PLCB1: variants seen among roughly 807,000 people sequenced by gnomAD.
PLCB1 encodes the protein phospholipase C beta 1.
Under a neutral mutation model 161.8 loss-of-function variants are expected in PLCB1, and 46 were observed. The ratio of observed to expected loss-of-function variants is 0.28; its 90% CI spans 0.22 to 0.36. The LOEUF (loss-of-function observed/expected upper bound fraction) is 0.36. PLCB1 is among the 10% of genes least tolerant of loss of function. The pLI is 1.00. For synonymous variants in PLCB1, 517 were observed against 503.7 expected, an observed-to-expected ratio of 1.03 and a Z score of -0.35; for missense variants, 1,016 against 1,472.5, an observed-to-expected ratio of 0.69 and a Z score of 5.07.
chr20:8,349,690 G>A (rs1345999519), intron 2 of PLCB1, among the ~76,000 whole-genome samples: 1 of 152,140 alleles, frequency 6.6e-6, no homozygotes, highest in Non-Finnish European at 1.5e-5. Context: ...AAAAATTAGG[G>A]CATTTAAAAT....
chr20:8,139,088 T>G (rs903479465), intron 1 of PLCB1, among the ~76,000 whole-genome samples: 1 of 129,530 alleles, frequency 7.7e-6, no homozygotes. Context: ...AGGGTTTTTT[T>G]TTTTTTTTTT....
At chr20:8,742,779 C>A (rs1364590189) in intron 23 of PLCB1, among the ~76,000 whole-genome samples, 1 of 152,046 alleles carries the variant, frequency 6.6e-6, no homozygotes, top group Non-Finnish European at 1.5e-5. Context: ...TTACTAAGTC[C>A]CCAATTATTG....
chr20:8,748,384 C>G (rs1433561455), intron 23 of PLCB1, among the ~76,000 whole-genome samples: 2 of 152,092 alleles, frequency 1.3e-5, no homozygotes, highest in Non-Finnish European at 2.9e-5. Flanking sequence ...GAACTAGGGT[C>G]TTTTTAAATA....
intron 3 of PLCB1, among the ~76,000 whole-genome samples, chr20:8,418,284 C>T (rs370889155): frequency 1.3e-4 from 20 of 152,282 alleles, no homozygotes; most frequent in African/African-American, 3.8e-4. Flanking sequence ...TGAAAATCCC[C>T]GATTCTGTGT....
intron 2 of PLCB1, among the ~76,000 whole-genome samples, chr20:8,210,524 A>G (rs917229072): frequency 1.4e-4 from 21 of 152,104 alleles, no homozygotes; most frequent in African/African-American, 5.1e-4. Flanking sequence ...TACTTTCTCA[A>G]TTTGGGGCAA....
intron 11 of PLCB1, 99 bp downstream of exon 11, chr20:8,697,882 G>T (rs1990616214): frequency 5.7e-6 from 6 of 1,054,592 alleles, no homozygotes; most frequent in Non-Finnish European, 8.1e-6. Flanking sequence ...TCACAATTAA[G>T]TCCAAAGGCT....
intron 2 of PLCB1, among the ~76,000 whole-genome samples, chr20:8,270,637 A>G (rs1269373138): frequency 6.6e-6 from 1 of 152,152 alleles, no homozygotes; most frequent in Non-Finnish European, 1.5e-5. Flanking sequence ...AAAAATAGGA[A>G]TCACATTCTT....
At chr20:8,403,553 C>G (rs893007421) in intron 3 of PLCB1, among the ~76,000 whole-genome samples, 4 of 152,136 alleles carry the variant, frequency 2.6e-5, no homozygotes, top group African/African-American at 9.7e-5. Flanking sequence ...ATGGGCAAGG[C>G]TTCACAGAGA....
intron 12 of PLCB1, among the ~76,000 whole-genome samples, chr20:8,709,303 G>T (rs969720251): frequency 3.3e-5 from 5 of 152,150 alleles, no homozygotes; most frequent in African/African-American, 1.2e-4. Context: ...GCTACACAAA[G>T]AAAAGGTTAT....
At chr20:8,441,560 G>A (rs1189849342) in intron 3 of PLCB1, among the ~76,000 whole-genome samples, 1 of 152,168 alleles carries the variant, frequency 6.6e-6, no homozygotes, top group East Asian at 1.9e-4. Flanking sequence ...GGTTTGCTAA[G>A]TGACTGAAAG....
At chr20:8,407,806 T>C (rs1205959820) in intron 3 of PLCB1, among the ~76,000 whole-genome samples, 1 of 152,200 alleles carries the variant, frequency 6.6e-6, no homozygotes, top group African/African-American at 2.4e-5. Flanking sequence ...ATAATGACAT[T>C]ATCTGCTGGT....
At chr20:8,613,337 A>C (rs531361803) in intron 3 of PLCB1, among the ~76,000 whole-genome samples, 22 of 152,188 alleles carry the variant, frequency 1.4e-4, no homozygotes, top group Admixed American at 7.2e-4. Context: ...TTGCAGAGCC[A>C]TTTCAGGGTT....
intron 4 of PLCB1, among the ~76,000 whole-genome samples, chr20:8,641,153 G>T (rs1189610281): frequency 6.6e-6 from 1 of 152,116 alleles, no homozygotes; most frequent in Non-Finnish European, 1.5e-5. Context: ...TTACACAAAA[G>T]CTTCTGTACT....
intron 9 of PLCB1, among the ~76,000 whole-genome samples, chr20:8,684,029 A>C (rs7508859): frequency 1.8e-4 from 27 of 148,052 alleles, no homozygotes; most frequent in East Asian, 8.4e-4. Context: ...GACTGCAGGC[A>C]CCCGCCACCA....
rs149417445 is a variant in PLCB1 at position 8,311,199 on chromosome 20, C to T, written c.178-60183C>T. 1.4e-3 allele frequency among the ~76,000 whole-genome samples: 220 copies of T among 152,192 alleles called. 1 individual carries two copies. The highest frequency in any genetic ancestry group is 5.2e-3 in the African/African-American group (214 of 41,508). On this transcript the variant is annotated intron_variant, in intron 2 of 31. Transcript: ENST00000338037. The stretch of plus-strand genomic sequence containing the variant: ...TTCATTTCACTGTATATAAATTTTA[C>T]CTGAATGTAAAAAACAATCTGTAAA...
chr20:8,505,837 G>T (rs530872442), intron 3 of PLCB1, among the ~76,000 whole-genome samples: 64 of 152,246 alleles, frequency 4.2e-4, no homozygotes, highest in African/African-American at 1.5e-3. Flanking sequence ...AGTGAATGGG[G>T]TAACAATTTA....
chr20:8,581,651 G>A (rs1986836646), intron 3 of PLCB1, among the ~76,000 whole-genome samples: 1 of 152,104 alleles, frequency 6.6e-6, no homozygotes, highest in Non-Finnish European at 1.5e-5. Context: ...GGTTTGCCCA[G>A]GACTGAGGAG....
rs1051830360 is a variant in PLCB1, at chr20:8,132,538, G to A, written c.-114G>A. 5.0e-5 allele frequency: 29 copies of A among 575,798 alleles called. No homozygotes were observed. Among genetic ancestry groups the A allele is most frequent in the Non-Finnish European group, 7.3e-5 (26 of 357,336 alleles). The allele number at this position is 575,798 out of a possible 1,614,324, so 35.7% of individuals were successfully genotyped here. A position where few individuals can be genotyped will look rare whatever the true frequency, so the allele number is the denominator to read the frequency against. ...GCCGGGGAGGCCGGCGGGGAGCAGA[G>A]TCGAGCGCCTCCGGAGCAGAGAAAG... On this transcript the variant is annotated 5_prime_UTR_variant, in exon 1 of 32. Transcript: ENST00000338037. The surrounding 1 kb of genome is among the most constrained non-coding windows in gnomAD (Gnocchi z 5.2).
At chr20:8,643,447 T>C (rs776229373) in intron 4 of PLCB1, among the ~76,000 whole-genome samples, 3 of 152,268 alleles carry the variant, frequency 2.0e-5, no homozygotes, top group South Asian at 2.1e-4. Flanking sequence ...CCCAGTTTTC[T>C]CTGCTCGGGA....
Sources: allele counts gnomAD v4.1 joint callset (sites outside exome capture counted in the v4.1 genomes callset), GRCh38; gene constraint gnomAD v4.1.1; non-coding constraint Gnocchi (gnomAD v3.1); transcripts MANE v1.5; gene names NCBI Gene and HGNC (gene_info 2026-07-23, HGNC 2026-07-21).